SH3BGRL2: variants seen among roughly 807,000 people sequenced by gnomAD.
SH3BGRL2 encodes SH3 domain binding glutamate rich protein like 2.
Under a neutral mutation model 14.8 loss-of-function variants are expected in SH3BGRL2, and 21 were observed. That is an observed-to-expected ratio of 1.42 (90% CI 1.01 to 2.05). SH3BGRL2 has a LOEUF of 2.05. Among genes scored for constraint, SH3BGRL2 ranks in the 30% most tolerant of loss-of-function variants. The pLI, the probability that SH3BGRL2 is intolerant of heterozygous loss-of-function variation, is 0.00. For missense variants in SH3BGRL2, 147 were observed against 130.8 expected (o/e 1.12, Z -0.61); for synonymous variants, 50 against 47.8 (o/e 1.05, Z -0.19).
the SH3BGRL2 span, among the ~76,000 whole-genome samples, chr6:79,592,261 C>G: frequency 6.6e-6 from 1 of 152,178 alleles, no homozygotes; most frequent in Non-Finnish European, 1.5e-5. Flanking sequence ...CTCCATTTAT[C>G]TGATTCAATC....
Position 79,673,689 on chromosome 6 carries a change from A to C in SH3BGRL2, c.121A>C (p.Met41Leu). 9.3e-6 allele frequency: 15 copies of C among 1,614,158 alleles called. No homozygotes were observed. The highest frequency in any genetic ancestry group is 1.3e-5 in the Non-Finnish European group (15 of 1,180,022). ...AGAGTTTGAGGAGGTGGATATCACA[A>C]TGTCAGAAGAACAGAGGCAATGGAT... ...KIEFEEVDIT[M>L]SEEQRQWMYK... The change falls in exon 2 of 4, where the codon ATG becomes CTG. Residue 41 changes from methionine to leucine, a missense_variant. By Grantham distance (15) the Met-to-Leu change is conservative. Transcript: ENST00000369838.
At position 79,696,426 on chromosome 6, in the gene SH3BGRL2, A is replaced by C. The variant is rs912415256; in HGVS notation, c.232-59A>C. 8 of 1,270,686 alleles carry C rather than the reference A, an allele frequency of 6.3e-6. No individual in the cohort carries two copies. In the African/African-American group the frequency reaches 1.2e-4, roughly 20 times the overall value. The allele number at this position is 1,270,686 out of a possible 1,614,324, so 78.7% of individuals were successfully genotyped here. ...CCATAAAGAATTTGTTCAAAGTACC[A>C]AATATAAAGATAATTGTTTGCTTTT... On this transcript the variant is annotated intron_variant, in intron 2 of 3. Transcript: ENST00000369838.
At chr6:79,574,485 A>T in the SH3BGRL2 span, 4 of 152,186 alleles carry the variant, frequency 2.6e-5, no homozygotes, top group African/African-American at 9.6e-5. Context: ...CAGCTCAAAA[A>T]TAATTTTTAT....
the SH3BGRL2 span, among the ~76,000 whole-genome samples, chr6:79,610,677 G>A: frequency 2.6e-5 from 4 of 152,312 alleles, no homozygotes; most frequent in African/African-American, 9.6e-5. Flanking sequence ...TGGTAGTTTC[G>A]ACATTCACAT....
intron 2 of SH3BGRL2, among the ~76,000 whole-genome samples, chr6:79,687,425 G>T (rs902596469): frequency 6.6e-6 from 1 of 152,196 alleles, no homozygotes; most frequent in Admixed American, 6.5e-5. Flanking sequence ...AACCTGTATG[G>T]TCAGAACTAT....
At chr6:79,593,439 C>G in the SH3BGRL2 span, among the ~76,000 whole-genome samples, 1 of 152,108 alleles carries the variant, frequency 6.6e-6, no homozygotes, top group African/African-American at 2.4e-5. Flanking sequence ...TGAAATTCTA[C>G]CTTGACAGCT....
chr6:79,600,455 C>T, the SH3BGRL2 span, among the ~76,000 whole-genome samples: 1 of 152,122 alleles, frequency 6.6e-6, no homozygotes, highest in South Asian at 2.1e-4. Context: ...GAGTGTTTTC[C>T]AGGGTACAGC....
chr6:79,587,000 G>T, the SH3BGRL2 span, among the ~76,000 whole-genome samples: 1 of 152,116 alleles, frequency 6.6e-6, no homozygotes, highest in African/African-American at 2.4e-5. Context: ...AGTTCTGGGG[G>T]GTAATCCAAA....
chr6:79,629,696 TG>T, upstream of SH3BGRL2, among the ~76,000 whole-genome samples: 1 of 152,328 alleles, frequency 6.6e-6, no homozygotes, highest in African/African-American at 2.4e-5. Context: ...GTACCTTCTA[TG>T]GCCACCTTTT....
the SH3BGRL2 span, among the ~76,000 whole-genome samples, chr6:79,603,911 TCTC>T: frequency 6.6e-6 from 1 of 152,108 alleles, no homozygotes; most frequent in Non-Finnish European, 1.5e-5. Flanking sequence ...TTCAAGCAAT[TCTC>T]CTGCCTCACC....
At chr6:79,672,184 C>T (rs902940259) in intron 1 of SH3BGRL2, among the ~76,000 whole-genome samples, 1 of 152,050 alleles carries the variant, frequency 6.6e-6, no homozygotes, top group Non-Finnish European at 1.5e-5. Context: ...GCTAGGGTGC[C>T]ACCTCTCTCT....
upstream of SH3BGRL2, chr6:79,631,270 C>T: frequency 2.3e-6 from 1 of 432,058 alleles, no homozygotes; most frequent in Non-Finnish European, 4.0e-6. Flanking sequence ...TCTCCTTCCC[C>T]TTCAGCCTGC....
Position 79,703,469 on chromosome 6 carries a change from G to A in SH3BGRL2, c.*3960G>A, listed in dbSNP as rs1214799214. On this transcript the variant is annotated 3_prime_UTR_variant, in exon 4 of 4. Coordinates refer to ENST00000369838, the MANE Select transcript of SH3BGRL2 (RefSeq NM_031469.4). The stretch of plus-strand genomic sequence containing the variant: ...ATAATGACAATAAACAAACCCCTGT[G>A]TGCCTACCACCCACCTTATTGCCTT... 2 of 152,112 alleles carry A rather than the reference G, an allele frequency of 1.3e-5. No homozygotes were observed. The highest frequency in any genetic ancestry group is 4.2e-4 in the South Asian group (2 of 4,816). 9.4% of individuals were successfully genotyped at this position (152,112 alleles called of 1,614,324 possible). A position where few individuals can be genotyped will look rare whatever the true frequency, so the allele number is the denominator to read the frequency against.
the SH3BGRL2 span, among the ~76,000 whole-genome samples, chr6:79,623,334 G>A: frequency 1.2e-4 from 18 of 151,912 alleles, no homozygotes; most frequent in African/African-American, 4.4e-4. Context: ...ATTTACAATC[G>A]GGGGCAATTA....
At chr6:79,614,117 T>C in the SH3BGRL2 span, among the ~76,000 whole-genome samples, 72,710 of 151,800 alleles carry the variant, frequency 0.48, 17,827 homozygotes, top group East Asian at 0.77. Flanking sequence ...GCGCCCCCGC[T>C]GTACTGTGTA....
At chr6:79,657,209 G>A (rs924897148) in intron 1 of SH3BGRL2, among the ~76,000 whole-genome samples, 6 of 152,028 alleles carry the variant, frequency 3.9e-5, no homozygotes, top group Non-Finnish European at 8.8e-5. Context: ...ATTCTGAAAA[G>A]GCAGTGATAT....
chr6:79,607,229 G>T, the SH3BGRL2 span, among the ~76,000 whole-genome samples: 10 of 152,140 alleles, frequency 6.6e-5, no homozygotes, highest in African/African-American at 2.4e-5. Context: ...CTGATTCCCT[G>T]TAGCTTCAAA....
At position 79,701,824 on chromosome 6, in the gene SH3BGRL2, T is replaced by C. The variant is rs1770464359; in HGVS notation, c.*2315T>C. ...CAGCTGATTTTGAAACATATAATAA[T>C]GATTTTCTTGTTCCCTTCTTTAACT... On this transcript the variant is annotated 3_prime_UTR_variant, in exon 4 of 4. Coordinates refer to ENST00000369838, the MANE Select transcript of SH3BGRL2 (RefSeq NM_031469.4). The C allele has an allele frequency of 1.3e-5, 2 of 152,574 alleles. No homozygotes were observed. The highest frequency in any genetic ancestry group is 1.3e-4 in the Admixed American group (2 of 15,276). 9.5% of individuals were successfully genotyped at this position (152,574 alleles called of 1,614,324 possible). A position where few individuals can be genotyped will look rare whatever the true frequency, so the allele number is the denominator to read the frequency against.
intron 1 of SH3BGRL2, among the ~76,000 whole-genome samples, chr6:79,662,198 C>T (rs1769565069): frequency 6.6e-6 from 1 of 152,108 alleles, no homozygotes; most frequent in Admixed American, 6.5e-5. Flanking sequence ...ATGATGTTAG[C>T]TGGTTATTTT....
Sources: gnomAD v4.1 joint callset for allele counts (sites outside exome capture counted in the v4.1 genomes callset) on GRCh38, gnomAD v4.1.1 for gene constraint, MANE v1.5 for transcripts, NCBI Gene and HGNC (gene_info 2026-07-23, HGNC 2026-07-21) for gene names.